The following AKAP19 variants were observed in gnomAD, a reference collection of about 807,000 sequenced individuals.
AKAP19 encodes the protein small A-kinase anchoring protein.
chr2:190,060,563 A>G, the AKAP19 span: 2 of 787,630 alleles, frequency 2.5e-6, no homozygotes, highest in East Asian at 2.7e-5. Flanking sequence ...AAAATGAAAT[A>G]CCGTGTGGAA....
the AKAP19 span, among the ~76,000 whole-genome samples, chr2:190,000,581 T>G: frequency 6.6e-6 from 1 of 152,216 alleles, no homozygotes; most frequent in African/African-American, 2.4e-5. Flanking sequence ...TTCTTGGAAC[T>G]ATTAGGGGAA....
chr2:189,994,385 C>A, the AKAP19 span, among the ~76,000 whole-genome samples: 1 of 151,650 alleles, frequency 6.6e-6, no homozygotes, highest in African/African-American at 2.4e-5. Context: ...GAGGTGTGAC[C>A]TTAAGATTGT....
At chr2:190,107,542 T>C in the AKAP19 span, among the ~76,000 whole-genome samples, 1 of 152,176 alleles carries the variant, frequency 6.6e-6, no homozygotes, top group Non-Finnish European at 1.5e-5. Context: ...GGTTTGCCAA[T>C]AGGAGTAGGC....
At chr2:190,197,374 G>C in the AKAP19 span, among the ~76,000 whole-genome samples, 2,963 of 152,204 alleles carry the variant, frequency 0.019, 113 homozygotes, top group African/African-American at 0.067. The surrounding 1 kb of genome is among the most constrained non-coding windows in gnomAD (Gnocchi z 4.0). Flanking sequence ...TATAACTTCT[G>C]GTGTCACTGT....
the AKAP19 span, among the ~76,000 whole-genome samples, chr2:190,190,632 AT>A: frequency 6.6e-6 from 1 of 152,330 alleles, no homozygotes; most frequent in Non-Finnish European, 1.5e-5. Flanking sequence ...CAGCCAAGGA[AT>A]TCTTTAAAAT....
At chr2:189,963,653 C>T in the AKAP19 span, among the ~76,000 whole-genome samples, 1 of 152,162 alleles carries the variant, frequency 6.6e-6, no homozygotes, top group African/African-American at 2.4e-5. Flanking sequence ...GATTTCCTCC[C>T]ATGAATCACA....
At chr2:189,926,756 ATAT>A in the AKAP19 span, among the ~76,000 whole-genome samples, 3 of 134,198 alleles carry the variant, frequency 2.2e-5, no homozygotes, top group East Asian at 6.8e-4. Context: ...AATTTTTTGT[ATAT>A]TTTTTAGTAG....
chr2:190,185,533 T>C, the AKAP19 span, among the ~76,000 whole-genome samples: 1 of 152,206 alleles, frequency 6.6e-6, no homozygotes, highest in African/African-American at 2.4e-5. Flanking sequence ...GCTGGAGGAA[T>C]TGCTGCAGAT....
the AKAP19 span, among the ~76,000 whole-genome samples, chr2:190,187,259 T>C: frequency 1.2e-3 from 179 of 152,308 alleles, no homozygotes; most frequent in African/African-American, 4.1e-3. Flanking sequence ...ACTTGAGATA[T>C]AAGGCATCTT....
the AKAP19 span, among the ~76,000 whole-genome samples, chr2:190,155,082 G>GCCAACATAGAGGGCT: frequency 6.6e-6 from 1 of 152,212 alleles, no homozygotes; most frequent in South Asian, 2.1e-4. Context: ...AGCAGGGACA[G>GCCAACATAGAGGGCT]CCAACATAGA....
the AKAP19 span, chr2:190,180,377 T>G: frequency 2.5e-6 from 2 of 792,780 alleles, no homozygotes; most frequent in Non-Finnish European, 3.1e-6. The surrounding 1 kb of genome is among the most constrained non-coding windows in gnomAD (Gnocchi z 6.8). Flanking sequence ...GGGAGAGGCC[T>G]TGGAGGGCAG....
the AKAP19 span, among the ~76,000 whole-genome samples, chr2:189,941,132 A>G: frequency 6.6e-6 from 1 of 152,252 alleles, no homozygotes; most frequent in Non-Finnish European, 1.5e-5. Flanking sequence ...TGTACCCAGC[A>G]AAGTTTTCCT....
chr2:189,956,193 G>T, the AKAP19 span, among the ~76,000 whole-genome samples: 1 of 1,000 alleles, frequency 1.0e-3, no homozygotes, highest in African/African-American at 4.4e-3. Context: ...TTTTTGAGAC[G>T]GAGTCTCGCT....
the AKAP19 span, among the ~76,000 whole-genome samples, chr2:190,158,168 C>T: frequency 1.3e-5 from 2 of 152,180 alleles, no homozygotes; most frequent in Non-Finnish European, 2.9e-5. Flanking sequence ...CATGTAAAAT[C>T]TTTAGTGTTG....
At chr2:190,184,681 G>A in the AKAP19 span, among the ~76,000 whole-genome samples, 2 of 152,164 alleles carry the variant, frequency 1.3e-5, no homozygotes, top group African/African-American at 4.8e-5. Context: ...CTCAAAGATA[G>A]TACTTGGGTT....
the AKAP19 span, among the ~76,000 whole-genome samples, chr2:189,971,834 T>TC: frequency 1.9e-3 from 2 of 1,080 alleles, no homozygotes; most frequent in African/African-American, 7.0e-3. Flanking sequence ...GGTTGTTTGA[T>TC]TTTTTTTTTG....
chr2:189,908,199 C>CTTTTTTTTTTTTTTTTTTTTTTTTTTCT, the AKAP19 span, among the ~76,000 whole-genome samples: 1 of 141,308 alleles, frequency 7.1e-6, no homozygotes, highest in Non-Finnish European at 1.5e-5. Context: ...TTACTATATA[C>CTTTTTTTTTTTTTTTTTTTTTTTTTTCT]TTTTTTTTTT....
the AKAP19 span, among the ~76,000 whole-genome samples, chr2:189,966,532 G>T: frequency 1.7e-3 from 261 of 152,310 alleles, no homozygotes; most frequent in African/African-American, 5.9e-3. Flanking sequence ...AGTTTGGGAT[G>T]GGAAGAGGAG....
the AKAP19 span, among the ~76,000 whole-genome samples, chr2:189,973,639 T>C: frequency 6.6e-6 from 1 of 152,202 alleles, no homozygotes; most frequent in Non-Finnish European, 1.5e-5. Context: ...TGGTAGGCTA[T>C]TAAGTATTGC....
Sources: gnomAD v4.1 joint callset for allele counts (sites outside exome capture counted in the v4.1 genomes callset) on GRCh38, gnomAD v4.1.1 for gene constraint, Gnocchi (gnomAD v3.1) non-coding constraint, MANE v1.5 for transcripts, NCBI Gene and HGNC (gene_info 2026-07-23, HGNC 2026-07-21) for gene names.